CACNG3: variants seen among roughly 807,000 people sequenced by gnomAD.
The protein encoded by CACNG3 is voltage-dependent calcium channel gamma-3 subunit.
A neutral mutation model predicts 28.5 loss-of-function variants in CACNG3; 3 were observed. The observed-to-expected ratio is 0.11, with a 90% confidence interval of 0.05 to 0.27. The LOEUF is 0.27. Among genes scored for constraint, CACNG3 ranks in the 10% least tolerant of loss-of-function variants. The pLI is 1.00. For missense variants in CACNG3, 236 were observed against 414.4 expected, an observed-to-expected ratio of 0.57 and a Z score of 3.74; for synonymous variants, 174 against 162.2, an observed-to-expected ratio of 1.07 and a Z score of -0.55.
intron 1 of CACNG3, among the ~76,000 whole-genome samples, chr16:24,275,651 G>A (rs1259207998): frequency 1.3e-5 from 2 of 152,206 alleles, no homozygotes; most frequent in Non-Finnish European, 2.9e-5. Flanking sequence ...TGAGCTAAGT[G>A]AGCCTGTCAC....
intron 1 of CACNG3, among the ~76,000 whole-genome samples, chr16:24,335,452 T>C (rs970141507): frequency 6.6e-6 from 1 of 152,072 alleles, no homozygotes; most frequent in Non-Finnish European, 1.5e-5. Context: ...ATACATAAAA[T>C]AAAATAAACA....
chr16:24,313,198 T>C (rs1224759053), intron 1 of CACNG3, among the ~76,000 whole-genome samples: 1 of 152,164 alleles, frequency 6.6e-6, no homozygotes, highest in East Asian at 1.9e-4. Context: ...AGCTAGAACA[T>C]ATTCATTAAA....
chr16:24,287,288 C>A (rs914860258), intron 1 of CACNG3, among the ~76,000 whole-genome samples: 1 of 151,644 alleles, frequency 6.6e-6, no homozygotes, highest in African/African-American at 2.4e-5. Context: ...GAGGCCGAGG[C>A]GGGTGGATCA....
intron 2 of CACNG3, among the ~76,000 whole-genome samples, chr16:24,351,083 G>A (rs1307753933): frequency 1.3e-5 from 2 of 152,204 alleles, no homozygotes; most frequent in Non-Finnish European, 2.9e-5. Context: ...GCAGGACTTT[G>A]CAGCAGGCCA....
chr16:24,317,642 GAAAA>G lies in CACNG3; in HGVS notation c.212-29091_212-29088del, dbSNP rs1567217618. On this transcript the variant is annotated intron_variant, in intron 1 of 3. Transcript: ENST00000005284. ...AGAAAGAAAGACAGACAGAAAGAAA[GAAAA>G]GAAAAGAAAGAAAGAAAGAAAGAAA... 1.0e-3 allele frequency among the ~76,000 whole-genome samples: 35 copies of G among 33,824 alleles called. 3 individuals are homozygous for G. The East Asian group carries it at 0.016, about 15-fold the overall frequency. The allele number at this position is 33,824 out of a possible 152,430, so 22.2% of individuals were successfully genotyped here.
intron 1 of CACNG3, among the ~76,000 whole-genome samples, chr16:24,329,172 T>C (rs1479186273): frequency 2.0e-5 from 3 of 152,148 alleles, no homozygotes; most frequent in African/African-American, 7.2e-5. Flanking sequence ...CAGAACTAAA[T>C]CCCAGTGTGG....
At chr16:24,313,640 T>C (rs1218340100) in intron 1 of CACNG3, among the ~76,000 whole-genome samples, 1 of 152,190 alleles carries the variant, frequency 6.6e-6, no homozygotes, top group African/African-American at 2.4e-5. Flanking sequence ...AGCTAACTTA[T>C]ATACAGACAA....
chr16:24,257,206 G>A (rs1264062699), intron 1 of CACNG3, among the ~76,000 whole-genome samples: 2 of 151,994 alleles, frequency 1.3e-5, no homozygotes, highest in East Asian at 1.9e-4. Flanking sequence ...ACTCTAGGCA[G>A]CTTCTGCAGT....
chr16:24,352,016 G>C (rs1199910118), intron 2 of CACNG3, among the ~76,000 whole-genome samples: 1 of 151,742 alleles, frequency 6.6e-6, no homozygotes, highest in Non-Finnish European at 1.5e-5. Flanking sequence ...GGGGTTTACC[G>C]TGCTAGCCAG....
At chr16:24,337,617 G>A (rs1899729460) in intron 1 of CACNG3, among the ~76,000 whole-genome samples, 1 of 151,778 alleles carries the variant, frequency 6.6e-6, no homozygotes, top group Non-Finnish European at 1.5e-5. Context: ...AAGAGTTTGA[G>A]ACCTGCCTGG....
At chr16:24,307,794 G>A (rs1369469789) in intron 1 of CACNG3, among the ~76,000 whole-genome samples, 2 of 152,162 alleles carry the variant, frequency 1.3e-5, no homozygotes, top group African/African-American at 2.4e-5. Context: ...CAGAATGGTG[G>A]CGTGAAACAT....
intron 1 of CACNG3, among the ~76,000 whole-genome samples, chr16:24,308,034 G>A (rs967168203): frequency 6.6e-6 from 1 of 152,122 alleles, no homozygotes; most frequent in Non-Finnish European, 1.5e-5. Context: ...AGAAAGCAAT[G>A]GGTTTGCAGA....
intron 1 of CACNG3, among the ~76,000 whole-genome samples, chr16:24,303,344 GTATTTATTTATT>G (rs35148228): frequency 1.1e-4 from 16 of 149,882 alleles, no homozygotes; most frequent in Non-Finnish European, 1.8e-4. Flanking sequence ...CTCTATGTGT[GTATTTATTTATT>G]TATTTATTTA....
At chr16:24,307,281 C>T (rs1278262148) in intron 1 of CACNG3, among the ~76,000 whole-genome samples, 1 of 152,078 alleles carries the variant, frequency 6.6e-6, no homozygotes, top group African/African-American at 2.4e-5. Flanking sequence ...ACCACCATAC[C>T]CAGCTAATTT....
chr16:24,349,889 G>T (rs544720232), intron 2 of CACNG3, among the ~76,000 whole-genome samples: 1 of 152,276 alleles, frequency 6.6e-6, no homozygotes, highest in South Asian at 2.1e-4. Flanking sequence ...GACAGCAGAA[G>T]GTTCAAAGCC....
intron 1 of CACNG3, among the ~76,000 whole-genome samples, chr16:24,334,552 G>A (rs1191557333): frequency 6.6e-6 from 1 of 152,216 alleles, no homozygotes; most frequent in Non-Finnish European, 1.5e-5. Flanking sequence ...TCCTTCCACT[G>A]GAGGGGGGAC....
chr16:24,308,839 CAAAAAAAAAAAAAAAAA>C (rs71154298), intron 1 of CACNG3, among the ~76,000 whole-genome samples: 1 of 27,268 alleles, frequency 3.7e-5, no homozygotes, highest in African/African-American at 1.0e-4. Context: ...GAACCTACCT[CAAAAAAAAAAAAAAAAA>C]AAAAAAAAAA....
At chr16:24,286,435 T>C (rs7188003) in intron 1 of CACNG3, among the ~76,000 whole-genome samples, 2,772 of 86,622 alleles carry the variant, frequency 0.032, 41 homozygotes, top group Middle Eastern at 0.065. Flanking sequence ...CACACACACA[T>C]ATATATATAT....
In CACNG3 at chr16:24,346,720, A is replaced by T. The variant is rs370375292; in HGVS notation, c.212-14A>T. The T allele has an allele frequency of 3.7e-6, 6 of 1,607,892 alleles. No homozygotes were observed. The highest frequency in any genetic ancestry group is 5.1e-6 in the Non-Finnish European group (6 of 1,174,406). On this transcript the variant is annotated splice_polypyrimidine_tract_variant and intron_variant, in intron 1 of 3. Coordinates refer to ENST00000005284, the MANE Select transcript of CACNG3 (RefSeq NM_006539.4). ...CTCCTCCCCCAGGCTCAGAACCCTT[A>T]TCTGTTTCCACAGGGGCTTTCCGAG...
Sources: gnomAD v4.1 joint callset for allele counts (sites outside exome capture counted in the v4.1 genomes callset) on GRCh38, gnomAD v4.1.1 for gene constraint, MANE v1.5 for transcripts, NCBI Gene and HGNC (gene_info 2026-07-23, HGNC 2026-07-21) for gene names.